Variants in S100Z observed in about 807,000 individuals in gnomAD.
S100Z encodes S100 calcium binding protein Z.
Under a neutral mutation model 8.5 loss-of-function variants are expected in S100Z, and 11 were observed. The observed-to-expected ratio is 1.30, with a 90% confidence interval of 0.82 to 2.15. The LOEUF (loss-of-function observed/expected upper bound fraction) is 2.15, where lower values mean the gene tolerates loss of function less well. Among genes scored for constraint, S100Z ranks in the 30% most tolerant of loss-of-function variants. The pLI is 0.00. For synonymous variants in S100Z, 34 were observed against 43.8 expected (o/e 0.78, Z 0.89); for missense variants, 126 against 117.9 (o/e 1.07, Z -0.32).
chr5:76,917,363 A>G (rs746000790), intron 4 of S100Z, among the ~76,000 whole-genome samples: 1 of 152,206 alleles, frequency 6.6e-6, no homozygotes, highest in Non-Finnish European at 1.5e-5. Context: ...ATAGATAGTC[A>G]CAATAATTCT....
chr5:76,863,773 T>C (rs4704372), intron 1 of S100Z, among the ~76,000 whole-genome samples: 4,189 of 152,028 alleles, frequency 0.028, 107 homozygotes, highest in African/African-American at 0.07. Flanking sequence ...CTCCTGACCT[T>C]GTGATCCACC....
chr5:76,916,862 A>C (rs1744868364), intron 4 of S100Z, among the ~76,000 whole-genome samples: 1 of 152,224 alleles, frequency 6.6e-6, no homozygotes, highest in South Asian at 2.1e-4. Flanking sequence ...GCAGTGGCTC[A>C]CATCTTTAAT....
At chr5:76,946,285 A>G in the S100Z span, among the ~76,000 whole-genome samples, 1 of 152,206 alleles carries the variant, frequency 6.6e-6, no homozygotes, top group Admixed American at 6.5e-5. Flanking sequence ...CTGGGCCTTA[A>G]TAGATGATGT....
chr5:76,881,341 C>T (rs1743395876), intron 4 of S100Z, among the ~76,000 whole-genome samples: 2 of 152,176 alleles, frequency 1.3e-5, no homozygotes, highest in African/African-American at 2.4e-5. Context: ...GTGGGAAAGG[C>T]CTCTACCCAC....
intron 4 of S100Z, among the ~76,000 whole-genome samples, chr5:76,906,976 G>A (rs28818299): frequency 0.012 from 265 of 21,700 alleles, 6 homozygotes; most frequent in African/African-American, 0.05. Context: ...TTGTGTGTGT[G>A]TATATATATA....
chr5:76,938,143 A>G, the S100Z span, among the ~76,000 whole-genome samples: 3 of 152,150 alleles, frequency 2.0e-5, no homozygotes, highest in African/African-American at 7.2e-5. Context: ...AGATTGGTCA[A>G]AAAGGTATGA....
chr5:76,892,477 C>A (rs996874860), intron 4 of S100Z, among the ~76,000 whole-genome samples: 2 of 151,922 alleles, frequency 1.3e-5, no homozygotes, highest in Non-Finnish European at 2.9e-5. Flanking sequence ...GGTGTAAAAC[C>A]GAAGAAAATG....
At chr5:76,907,041 A>G (rs1170625932) in intron 4 of S100Z, among the ~76,000 whole-genome samples, 2 of 131,694 alleles carry the variant, frequency 1.5e-5, no homozygotes, top group African/African-American at 5.7e-5. Context: ...TATATACCAA[A>G]TTTTCTTTAT....
chr5:76,869,061 G>C (rs73764760), intron 1 of S100Z, among the ~76,000 whole-genome samples: 2,197 of 152,226 alleles, frequency 0.014, 65 homozygotes, highest in African/African-American at 0.05. Flanking sequence ...GCCAACTCTT[G>C]GGGAATCTTA....
At chr5:76,873,341 A>T (rs112328705) in intron 2 of S100Z, among the ~76,000 whole-genome samples, 5 of 149,594 alleles carry the variant, frequency 3.3e-5, no homozygotes, top group East Asian at 2.0e-4. Context: ...ACGGAGTCTC[A>T]CTGTCACCCA....
chr5:76,922,685 G>A (rs1332774322), downstream of S100Z, among the ~76,000 whole-genome samples: 5 of 152,002 alleles, frequency 3.3e-5, no homozygotes, highest in Non-Finnish European at 5.9e-5. Flanking sequence ...TACCACGCCC[G>A]GCTAATTTTT....
chr5:76,875,566 C>A, intron 3 of S100Z, 66 bp downstream of exon 3: 1 of 1,431,094 alleles, frequency 7.0e-7, no homozygotes, highest in Non-Finnish European at 9.5e-7. Flanking sequence ...TCCAGGACAG[C>A]CTTTGGGTTC....
the S100Z span, among the ~76,000 whole-genome samples, chr5:76,947,662 C>T: frequency 1.3e-5 from 2 of 152,088 alleles, no homozygotes; most frequent in Non-Finnish European, 2.9e-5. Flanking sequence ...GGCATAAAGA[C>T]AGACATATAG....
the S100Z span, among the ~76,000 whole-genome samples, chr5:76,936,314 C>T: frequency 1.5e-4 from 23 of 151,524 alleles, no homozygotes; most frequent in Admixed American, 2.0e-4. Context: ...ACAATAAAAA[C>T]GAGAAATCAT....
chr5:76,886,459 G>A (rs1044895013), intron 4 of S100Z, among the ~76,000 whole-genome samples: 2 of 152,180 alleles, frequency 1.3e-5, no homozygotes, highest in African/African-American at 4.8e-5. Flanking sequence ...TTTAAAATCG[G>A]TGAGATGTTC....
intron 4 of S100Z, among the ~76,000 whole-genome samples, chr5:76,910,281 C>T (rs1744602046): frequency 6.6e-6 from 1 of 152,190 alleles, no homozygotes; most frequent in African/African-American, 2.4e-5. Flanking sequence ...GCCCAATCTG[C>T]AGCAGATATC....
intron 4 of S100Z, among the ~76,000 whole-genome samples, chr5:76,882,178 T>C (rs1312440798): frequency 6.6e-6 from 1 of 152,166 alleles, no homozygotes; most frequent in African/African-American, 2.4e-5. Flanking sequence ...TTGGAAGTTA[T>C]GAGAACTATA....
At chr5:76,939,091 C>T in the S100Z span, among the ~76,000 whole-genome samples, 6 of 152,160 alleles carry the variant, frequency 3.9e-5, no homozygotes, top group African/African-American at 1.4e-4. Context: ...TCTTTGACTG[C>T]TCTGCTCTTC....
intron 4 of S100Z, among the ~76,000 whole-genome samples, chr5:76,890,837 A>G (rs1020935085): frequency 1.5e-4 from 23 of 152,120 alleles, no homozygotes; most frequent in African/African-American, 4.8e-4. Context: ...ATGGGAAGCC[A>G]TTATAGGATT....
Sources: gnomAD v4.1 joint callset for allele counts (sites outside exome capture counted in the v4.1 genomes callset) on GRCh38, gnomAD v4.1.1 for gene constraint, MANE v1.5 for transcripts, NCBI Gene and HGNC (gene_info 2026-07-23, HGNC 2026-07-21) for gene names.